PTK2: variants seen among roughly 807,000 people sequenced by gnomAD.
PTK2 encodes the protein protein tyrosine kinase 2.
A neutral mutation model predicts 150.1 loss-of-function variants in PTK2; 45 were observed. That is an observed-to-expected ratio of 0.30 (90% CI 0.24 to 0.38). PTK2 has a LOEUF of 0.38. Ranked by LOEUF, PTK2 falls within the 10% of genes least tolerant of loss-of-function variation. The pLI is 1.00. For missense variants in PTK2, 919 were observed against 1,307.3 expected (o/e 0.70, Z 4.58); for synonymous variants, 432 against 449.2 (o/e 0.96, Z 0.48).
intron 1 of PTK2, among the ~76,000 whole-genome samples, chr8:140,927,969 A>ATAT (rs1569055667): frequency 1.3e-5 from 1 of 74,946 alleles, no homozygotes; most frequent in East Asian, 4.4e-4. Flanking sequence ...AAAAAAAAAA[A>ATAT]AAAAAAATAT....
At chr8:140,751,158 C>T (rs1032183158) in intron 17 of PTK2, among the ~76,000 whole-genome samples, 6 of 151,734 alleles carry the variant, frequency 4.0e-5, no homozygotes, top group Non-Finnish European at 7.4e-5. Flanking sequence ...TCTCTTCTTG[C>T]GTGAAGTTTT....
At chr8:140,965,116 A>G (rs535418917) in intron 1 of PTK2, among the ~76,000 whole-genome samples, 1 of 152,278 alleles carries the variant, frequency 6.6e-6, no homozygotes, top group South Asian at 2.1e-4. Context: ...AAACACTATT[A>G]CTTTTAAAGA....
intron 18 of PTK2, among the ~76,000 whole-genome samples, chr8:140,746,091 C>T (rs2100058570): frequency 6.6e-6 from 1 of 151,770 alleles, no homozygotes; most frequent in Non-Finnish European, 1.5e-5. Context: ...GAACACTTTG[C>T]GAGGCCGAGG....
chr8:140,666,943 GGAA>G (rs2092421448), intron 30 of PTK2, among the ~76,000 whole-genome samples: 2 of 152,128 alleles, frequency 1.3e-5, no homozygotes. Context: ...GCCCTAAAAA[GGAA>G]GAAAATTCTG....
Position 140,690,119 on chromosome 8 carries a change from A to G in PTK2, c.2500-3425T>C, listed in dbSNP as rs75628263. 3.4e-3 allele frequency among the ~76,000 whole-genome samples: 512 copies of G among 148,916 alleles called. 12 individuals are homozygous for G. The East Asian group carries it at 0.066, about 19-fold the overall frequency. ...AGGCGTCCGCCACCACGCCCGGCTA[A>G]TTTTTTGTATTTTCAGTAGAGATGG... is the stretch of plus-strand genomic sequence containing the variant. On this transcript the variant is annotated intron_variant, in intron 26 of 31. Transcript: ENST00000522684.
chr8:140,724,136 T>G (rs1164926732), intron 22 of PTK2, among the ~76,000 whole-genome samples: 1 of 152,188 alleles, frequency 6.6e-6, no homozygotes, highest in Non-Finnish European at 1.5e-5. Context: ...AACAGATAGA[T>G]AAACAAGCTG....
intron 17 of PTK2, among the ~76,000 whole-genome samples, chr8:140,749,720 C>T (rs543362246): frequency 6.6e-6 from 1 of 152,274 alleles, no homozygotes; most frequent in Non-Finnish European, 1.5e-5. Context: ...TTTAACAATT[C>T]CTGATCGAGG....
At chr8:140,740,753 GA>G (rs993258766) in intron 20 of PTK2, among the ~76,000 whole-genome samples, 9 of 152,224 alleles carry the variant, frequency 5.9e-5, no homozygotes, top group African/African-American at 2.2e-4. Flanking sequence ...TAGAAATAAT[GA>G]AAAGTTGACT....
At chr8:140,663,322 A>C (rs2083664816) in intron 31 of PTK2, among the ~76,000 whole-genome samples, 1 of 152,210 alleles carries the variant, frequency 6.6e-6, no homozygotes, top group Non-Finnish European at 1.5e-5. Context: ...TCTCTCTATT[A>C]ATCTTTTAAC....
At chr8:140,708,211 GTCTC>G (rs1247931884) in intron 23 of PTK2, among the ~76,000 whole-genome samples, 1 of 152,164 alleles carries the variant, frequency 6.6e-6, no homozygotes, top group Non-Finnish European at 1.5e-5. Flanking sequence ...CTTAGTGTCT[GTCTC>G]TCTCTCCCAC....
intron 23 of PTK2, among the ~76,000 whole-genome samples, chr8:140,708,700 T>C (rs2100035160): frequency 6.6e-6 from 1 of 152,186 alleles, no homozygotes; most frequent in African/African-American, 2.4e-5. Context: ...GGCTTTTCTC[T>C]ACTGTGTGTG....
chr8:140,725,536 T>C (rs566084365), intron 22 of PTK2, among the ~76,000 whole-genome samples: 2 of 152,338 alleles, frequency 1.3e-5, no homozygotes, highest in African/African-American at 4.8e-5. Context: ...CCAGTGTTAC[T>C]GGCTTGAATA....
chr8:140,831,572 G>C (rs1003183188), intron 7 of PTK2, among the ~76,000 whole-genome samples: 1 of 152,182 alleles, frequency 6.6e-6, no homozygotes, highest in Non-Finnish European at 1.5e-5. Flanking sequence ...CTAACTGCTA[G>C]TAGTTCCTAA....
intron 1 of PTK2, among the ~76,000 whole-genome samples, chr8:140,927,584 A>G (rs1361418745): frequency 4.6e-5 from 7 of 152,190 alleles, no homozygotes; most frequent in African/African-American, 1.7e-4. Context: ...CTCAGCTAAA[A>G]GTGAAAAATC....
At chr8:140,669,046 GCT>G (rs2094062566) in intron 29 of PTK2, 1 of 152,582 alleles carries the variant, frequency 6.6e-6, no homozygotes, top group Non-Finnish European at 1.5e-5. Flanking sequence ...GTTTCAGCCA[GCT>G]CTGTGCTGAC....
chr8:140,779,423 T>C (rs2100080423), intron 14 of PTK2, among the ~76,000 whole-genome samples: 1 of 152,016 alleles, frequency 6.6e-6, no homozygotes, highest in South Asian at 2.1e-4. Flanking sequence ...TCAAAGCTCA[T>C]GTTTTTGAGG....
chr8:140,681,562 A>G (rs11166993), intron 27 of PTK2, among the ~76,000 whole-genome samples: 4,389 of 151,944 alleles, frequency 0.029, 166 homozygotes, highest in African/African-American at 0.094. Flanking sequence ...GGGATCACGA[A>G]GTCAGGAGAT....
chr8:140,915,983 T>A (rs77043689), intron 2 of PTK2, among the ~76,000 whole-genome samples: 1,627 of 151,894 alleles, frequency 0.011, 31 homozygotes, highest in East Asian at 0.095. Context: ...GAGGAAAAAA[T>A]TGGGCAAAAC....
At chr8:140,949,315 C>T (rs1049543576) in intron 1 of PTK2, among the ~76,000 whole-genome samples, 14 of 152,196 alleles carry the variant, frequency 9.2e-5, no homozygotes, top group Admixed American at 5.9e-4. Flanking sequence ...GGAGGGGCTG[C>T]TGCCAAGACA....
Sources: gnomAD v4.1 joint callset for allele counts (sites outside exome capture counted in the v4.1 genomes callset) on GRCh38, gnomAD v4.1.1 for gene constraint, MANE v1.5 for transcripts, NCBI Gene and HGNC (gene_info 2026-07-23, HGNC 2026-07-21) for gene names.